Variants in MYO5B observed in about 807,000 individuals in gnomAD.
MYO5B encodes unconventional myosin-Vb.
In MYO5B, 143 loss-of-function variants were observed where a neutral mutation model predicts 229.3. That is an observed-to-expected ratio of 0.62 (90% CI 0.54 to 0.72). The LOEUF (loss-of-function observed/expected upper bound fraction) is 0.72, where lower values mean the gene tolerates loss of function less well. MYO5B is among the 30% of genes least tolerant of loss of function. The pLI is 0.00. For missense variants in MYO5B, 2,321 were observed against 2,331.0 expected (o/e 1.00, Z 0.09); for synonymous variants, 918 against 885.2 (o/e 1.04, Z -0.66).
chr18:50,043,944 T>C (rs2030145291), intron 2 of MYO5B, among the ~76,000 whole-genome samples: 1 of 151,978 alleles, frequency 6.6e-6, no homozygotes, highest in African/African-American at 2.4e-5. Flanking sequence ...GTACACTGCT[T>C]GGGAGATGGG....
chr18:49,830,158 C>CACACAT (rs1555792651), intron 39 of MYO5B, among the ~76,000 whole-genome samples: 1 of 99,380 alleles, frequency 1.0e-5, no homozygotes, highest in Non-Finnish European at 2.3e-5. Flanking sequence ...CACACACACA[C>CACACAT]ACACACACAC....
In MYO5B at chr18:50,108,128, GA is replaced by G. The variant is rs547804289; in HGVS notation, c.28-52751del. Among the ~76,000 whole-genome samples the G allele has an allele frequency of 1.2e-4, 19 of 152,290 alleles. No individual in the cohort carries two copies. The South Asian group carries it at 3.1e-3, about 25-fold the overall frequency. ...TTCGCCATGTTGCCAGGCTGGTCTT[GA>G]ACAACTGGCTTCAAGAGATCTGCCT... On this transcript the variant is annotated intron_variant, in intron 1 of 39. Coordinates refer to ENST00000285039, the MANE Select transcript of MYO5B (RefSeq NM_001080467.3).
At chr18:50,129,720 C>A (rs2032223841) in intron 1 of MYO5B, among the ~76,000 whole-genome samples, 1 of 152,130 alleles carries the variant, frequency 6.6e-6, no homozygotes, top group African/African-American at 2.4e-5. Flanking sequence ...TGAGTCCAGG[C>A]AAGAATCTAG....
At chr18:50,148,894 G>A (rs2032548766) in intron 1 of MYO5B, among the ~76,000 whole-genome samples, 1 of 152,220 alleles carries the variant, frequency 6.6e-6, no homozygotes, top group Admixed American at 6.5e-5. Flanking sequence ...AAGTCAAATT[G>A]TCCCTGTTTG....
chr18:49,967,686 T>C (rs1403483156), intron 10 of MYO5B, among the ~76,000 whole-genome samples: 4 of 152,056 alleles, frequency 2.6e-5, no homozygotes, highest in Non-Finnish European at 5.9e-5. Context: ...CCTTTCAAGG[T>C]CCCTTTCCAT....
Position 49,989,321 on chromosome 18 carries a change from G to A in MYO5B, c.838+1118C>T, listed in dbSNP as rs556935708. On this transcript the variant is annotated intron_variant, in intron 7 of 39. Transcript: ENST00000285039. ...GGGTCTGGTGCTGGACTCTTAGGAT[G>A]GCCAGGATTTGGATCAGGAACAGCC... Among the ~76,000 whole-genome samples the A allele has an allele frequency of 2.0e-5, 3 of 152,250 alleles. No individual in the cohort carries two copies. In the East Asian group the frequency reaches 5.8e-4, roughly 29 times the overall value.
At chr18:49,992,554 G>C in intron 5 of MYO5B, 123 bp from the exon 6 acceptor site, 1 of 1,398,964 alleles carries the variant, frequency 7.1e-7, no homozygotes, top group Non-Finnish European at 1.0e-6. Context: ...CTCTGTTCTT[G>C]GGATGACAAT....
chr18:50,185,263 T>C (rs2033131524), intron 1 of MYO5B, among the ~76,000 whole-genome samples: 1 of 150,426 alleles, frequency 6.6e-6, no homozygotes, highest in East Asian at 1.9e-4. Context: ...AAAACATGTG[T>C]AAAACATTTA....
At chr18:50,158,954 T>A (rs1784307376) in intron 1 of MYO5B, among the ~76,000 whole-genome samples, 1 of 152,150 alleles carries the variant, frequency 6.6e-6, no homozygotes, top group South Asian at 2.1e-4. Context: ...ATGTTTGCCG[T>A]TATCATTATT....
chr18:50,016,136 A>T (rs2026212906), intron 4 of MYO5B, among the ~76,000 whole-genome samples: 1 of 152,250 alleles, frequency 6.6e-6, no homozygotes, highest in Non-Finnish European at 1.5e-5. Flanking sequence ...AAGCATGATC[A>T]GAGTGCCATG....
In MYO5B at chr18:49,839,293, C is replaced by T. The variant is rs199737949; in HGVS notation, c.4703G>A (p.Gly1568Asp). 100 of 1,613,440 alleles carry T rather than the reference C, an allele frequency of 6.2e-5. No homozygotes were observed. Among genetic ancestry groups the T allele is most frequent in the Middle Eastern group, 1.6e-4 (1 of 6,082 alleles). ...HCLKQYSGDE[G>D]FMTQNTAKQN... is the part of the protein sequence containing the mutation. ...CTTTGCAGTGTTCTGAGTCATGAAG[C>T]CCTGCAGAGGGAGAGGCGTGCACTA... is the stretch of plus-strand genomic sequence containing the variant. The change falls in exon 36 of 40, where the codon GGC becomes GAC. Residue 1568 changes from glycine (G) to aspartate (D), a missense_variant and splice_region_variant. Gly to Asp is a moderately conservative substitution (Grantham distance 94). Around this residue, in one of 2 missense-constraint regions of MYO5B, gnomAD observed 2,113 missense variants for 2,044.7 expected, o/e 1.03. Transcript: ENST00000285039.
intron 22 of MYO5B, among the ~76,000 whole-genome samples, chr18:49,887,086 C>T (rs2024651682): frequency 6.6e-6 from 1 of 152,104 alleles, no homozygotes; most frequent in Non-Finnish European, 1.5e-5. Context: ...GTGAACTCAT[C>T]CCTCACTGAG....
At position 49,839,190 on chromosome 18, in the gene MYO5B, G is replaced by A; in HGVS notation, c.4806C>T (p.Tyr1602=). 1 of 1,614,154 alleles carries A rather than the reference G, an allele frequency of 6.2e-7. No homozygotes were observed. The highest frequency in any genetic ancestry group is 8.5e-7 in the Non-Finnish European group (1 of 1,180,040). ...CCTCGGCAATTTTAATGAGCTGCTG[G>A]TAGATCTGAATGGAAAGGTCACTCA... The part of the protein sequence containing the change: ...QVLSDLSIQI[Y]QQLIKIAEGV... The change falls in exon 36 of 40, where the codon TAC becomes TAT. Residue 1602 remains tyrosine, a synonymous_variant. Coordinates refer to ENST00000285039, the MANE Select transcript of MYO5B (RefSeq NM_001080467.3).
At chr18:49,867,772 G>T (rs2024413509) in intron 27 of MYO5B, among the ~76,000 whole-genome samples, 1 of 151,586 alleles carries the variant, frequency 6.6e-6, no homozygotes, top group Non-Finnish European at 1.5e-5. Context: ...AACTCTGTAA[G>T]ATTTTAAGCC....
chr18:49,965,839 G>A (rs907511688), intron 10 of MYO5B, among the ~76,000 whole-genome samples: 1 of 152,196 alleles, frequency 6.6e-6, no homozygotes, highest in African/African-American at 2.4e-5. Flanking sequence ...GTCCTAGAAG[G>A]AGGTATTTGA....
At chr18:50,185,166 AAAC>A (rs1261067905) in intron 1 of MYO5B, among the ~76,000 whole-genome samples, 11 of 152,090 alleles carry the variant, frequency 7.2e-5, no homozygotes, top group Non-Finnish European at 1.6e-4. Context: ...AATATAAGGA[AAAC>A]AACACATTGT....
intron 1 of MYO5B, among the ~76,000 whole-genome samples, chr18:50,079,461 TCA>T (rs201576539): frequency 0.029 from 4,386 of 152,266 alleles, 80 homozygotes; most frequent in Non-Finnish European, 0.045. Context: ...TGCCTCCCTC[TCA>T]CACTTCGACT....
chr18:50,191,312 T>A (rs1051505410), intron 1 of MYO5B, among the ~76,000 whole-genome samples: 3 of 152,218 alleles, frequency 2.0e-5, no homozygotes, highest in Non-Finnish European at 4.4e-5. Flanking sequence ...GGAAACCCAT[T>A]AACAGAGCAA....
intron 22 of MYO5B, among the ~76,000 whole-genome samples, chr18:49,881,550 C>T (rs375813219): frequency 1.5e-4 from 23 of 152,280 alleles, no homozygotes; most frequent in African/African-American, 5.1e-4. Flanking sequence ...CACCTGTAAT[C>T]CCAGCACTTT....
Sources: allele counts gnomAD v4.1 joint callset (sites outside exome capture counted in the v4.1 genomes callset), GRCh38; gene constraint gnomAD v4.1.1; regional missense constraint gnomAD v4.1.1; transcripts MANE v1.5; gene names NCBI Gene and HGNC (gene_info 2026-07-23, HGNC 2026-07-21).